Variants in GNA14 observed in about 807,000 individuals in gnomAD.
GNA14 encodes G protein subunit alpha 14.
A neutral mutation model predicts 42.0 loss-of-function variants in GNA14; 50 were observed. The ratio of observed to expected loss-of-function variants is 1.19; its 90% confidence interval spans 0.95 to 1.51. GNA14 has a LOEUF of 1.51. Ranked by LOEUF, GNA14 falls within the 40% of genes most tolerant of loss-of-function variation. The pLI, the probability that GNA14 is intolerant of heterozygous loss-of-function variation, is 0.00. For synonymous variants in GNA14, 173 were observed against 163.1 expected, an observed-to-expected ratio of 1.06 and a Z score of -0.46; for missense variants, 473 against 446.2, an observed-to-expected ratio of 1.06 and a Z score of -0.54.
intron 1 of GNA14, among the ~76,000 whole-genome samples, chr9:77,606,729 A>G (rs1224728214): frequency 6.6e-6 from 1 of 152,174 alleles, no homozygotes; most frequent in Non-Finnish European, 1.5e-5. Context: ...AAGCCTCAAC[A>G]TCTTCAACCT....
intron 1 of GNA14, among the ~76,000 whole-genome samples, chr9:77,615,830 A>C: frequency 6.6e-6 from 1 of 150,772 alleles, no homozygotes; most frequent in South Asian, 2.1e-4. Flanking sequence ...CAACAGAATC[A>C]TCAGTTCTTT....
At chr9:77,600,979 GGATAAGGAAAGGGTCGTCCGA>G (rs1304628126) in intron 1 of GNA14, among the ~76,000 whole-genome samples, 2 of 152,130 alleles carry the variant, frequency 1.3e-5, no homozygotes, top group African/African-American at 4.8e-5. Context: ...CACAGGAGGC[GGATAAGGAAAGGGTCGTCCGA>G]GAATCTCCGA....
chr9:77,647,178 A>G (rs757848767), intron 1 of GNA14, among the ~76,000 whole-genome samples: 1 of 152,224 alleles, frequency 6.6e-6, no homozygotes, highest in Admixed American at 6.5e-5. Flanking sequence ...TCTCTAGAAT[A>G]GCGATATCAC....
chr9:77,474,897 A>C (rs866366681), intron 2 of GNA14, among the ~76,000 whole-genome samples: 1 of 152,166 alleles, frequency 6.6e-6, no homozygotes, highest in South Asian at 2.1e-4. Context: ...TCCAGTCACG[A>C]ATGGCCACAT....
At chr9:77,467,318 C>T (rs1006099079) in intron 2 of GNA14, among the ~76,000 whole-genome samples, 35 of 152,018 alleles carry the variant, frequency 2.3e-4, no homozygotes, top group Admixed American at 9.8e-4. Context: ...CAAAGTCTTC[C>T]AATAAATCTA....
intron 1 of GNA14, among the ~76,000 whole-genome samples, chr9:77,622,731 C>CAA (rs71503227): frequency 0.011 from 1,300 of 122,774 alleles, 45 homozygotes; most frequent in African/African-American, 0.038. Context: ...ACTAAAAATA[C>CAA]AAAAAAAAGA....
chr9:77,504,116 T>A (rs945633109), intron 2 of GNA14, among the ~76,000 whole-genome samples: 2 of 152,232 alleles, frequency 1.3e-5, no homozygotes, highest in African/African-American at 4.8e-5. Context: ...ACAGGCTTTA[T>A]CGCCTACTTT....
intron 1 of GNA14, among the ~76,000 whole-genome samples, chr9:77,567,988 T>C (rs987779145): frequency 6.6e-6 from 1 of 152,186 alleles, no homozygotes; most frequent in Non-Finnish European, 1.5e-5. Flanking sequence ...TTCTAAATAA[T>C]TTGTTTTACA....
At chr9:77,603,825 AGGCGT>A (rs796744517) in intron 1 of GNA14, among the ~76,000 whole-genome samples, 12 of 151,646 alleles carry the variant, frequency 7.9e-5, no homozygotes, top group African/African-American at 2.7e-4. Flanking sequence ...ATAATTAGCC[AGGCGT>A]GGTGGCGGGA....
At chr9:77,581,988 A>C (rs1221879440) in intron 1 of GNA14, among the ~76,000 whole-genome samples, 1 of 152,094 alleles carries the variant, frequency 6.6e-6, no homozygotes, top group Non-Finnish European at 1.5e-5. Flanking sequence ...TTCAATCACA[A>C]CTTCAGCTCA....
intron 2 of GNA14, among the ~76,000 whole-genome samples, chr9:77,449,730 T>C (rs1835874220): frequency 6.6e-6 from 1 of 152,142 alleles, no homozygotes; most frequent in Admixed American, 6.6e-5. Context: ...CAAACCCCAA[T>C]GCAAAGGGAA....
In GNA14 at chr9:77,539,720, C is replaced by T. The variant is rs371352345; in HGVS notation, c.125-10467G>A. The stretch of plus-strand genomic sequence containing the variant: ...GATTGGTTTAGGTTTTCTATTTCTT[C>T]CTGATTCAAGCTTGGTTGGTTGGTT... On this transcript the variant is annotated intron_variant, in intron 1 of 6. Coordinates refer to ENST00000341700, the MANE Select transcript of GNA14 (RefSeq NM_004297.4). Among the ~76,000 whole-genome samples the T allele has an allele frequency of 5.1e-4, 77 of 152,192 alleles. No individual in the cohort carries two copies. The South Asian group carries it at 0.015, about 30-fold the overall frequency.
At chr9:77,433,405 G>T (rs947674024) in intron 3 of GNA14, among the ~76,000 whole-genome samples, 3 of 150,020 alleles carry the variant, frequency 2.0e-5, no homozygotes, top group Non-Finnish European at 4.4e-5. Context: ...CTTTTTTTTT[G>T]AGACAGAGTC....
intron 2 of GNA14, among the ~76,000 whole-genome samples, chr9:77,439,855 G>A (rs2131696320): frequency 6.6e-6 from 1 of 152,230 alleles, no homozygotes; most frequent in South Asian, 2.1e-4. Context: ...CAAAGAGTCG[G>A]AAGAGGACAA....
intron 2 of GNA14, among the ~76,000 whole-genome samples, chr9:77,455,999 T>C (rs1341978988): frequency 6.6e-6 from 1 of 152,186 alleles, no homozygotes; most frequent in Non-Finnish European, 1.5e-5. Flanking sequence ...CTCTAATGTG[T>C]TGTATAAGGA....
intron 2 of GNA14, among the ~76,000 whole-genome samples, chr9:77,468,372 A>G (rs1836273130): frequency 1.3e-5 from 2 of 152,222 alleles, no homozygotes; most frequent in Admixed American, 1.3e-4. Flanking sequence ...AGGGTCTACC[A>G]AAACCCTCAC....
At chr9:77,644,318 G>A (rs1486407530) in intron 1 of GNA14, among the ~76,000 whole-genome samples, 4 of 151,646 alleles carry the variant, frequency 2.6e-5, no homozygotes, top group African/African-American at 7.3e-5. Flanking sequence ...GCCCAGCATG[G>A]TGGCTCACGC....
intron 1 of GNA14, among the ~76,000 whole-genome samples, chr9:77,549,723 A>G (rs972595307): frequency 6.6e-6 from 1 of 152,096 alleles, no homozygotes; most frequent in Non-Finnish European, 1.5e-5. Context: ...CCACCCTAAG[A>G]GTTGGGGAAA....
chr9:77,486,204 G>A (rs990106861), intron 2 of GNA14, among the ~76,000 whole-genome samples: 1 of 152,172 alleles, frequency 6.6e-6, no homozygotes. Flanking sequence ...ATCAGCACCT[G>A]CTGTTTCACC....
Sources: gnomAD v4.1 joint callset for allele counts (sites outside exome capture counted in the v4.1 genomes callset) on GRCh38, gnomAD v4.1.1 for gene constraint, MANE v1.5 for transcripts, NCBI Gene and HGNC (gene_info 2026-07-23, HGNC 2026-07-21) for gene names.